The following AGAP1 variants were observed in gnomAD, a reference collection of about 807,000 sequenced individuals.
AGAP1 encodes arf-GAP with GTPase, ANK repeat and PH domain-containing protein 1.
Under a neutral mutation model 105.3 loss-of-function variants are expected in AGAP1, and 29 were observed. The ratio of observed to expected loss-of-function variants is 0.28; its 90% CI spans 0.21 to 0.38. The LOEUF (loss-of-function observed/expected upper bound fraction) is 0.38, where lower values mean the gene tolerates loss of function less well. Ranked by LOEUF, AGAP1 falls within the 10% of genes least tolerant of loss-of-function variation. The probability of loss-of-function intolerance (pLI) is 1.00; values close to 1 mark genes in which losing one functional copy is unlikely to be tolerated. For missense variants in AGAP1, 998 were observed against 1,165.1 expected, an observed-to-expected ratio of 0.86 and a Z score of 2.09; for synonymous variants, 509 against 485.9, an observed-to-expected ratio of 1.05 and a Z score of -0.63.
In AGAP1 at chr2:235,905,779, G is replaced by A. The variant is rs143793575; in HGVS notation, c.1156-2959G>A. Among the ~76,000 whole-genome samples the A allele has an allele frequency of 1.0e-3, 158 of 152,332 alleles. 3 individuals carry two copies. In the East Asian group the frequency reaches 0.023, roughly 22 times the overall value. Reference sequence around the variant, plus strand: ...CTCCCAGAGTGCTGGGATTACAGGCGTGAGCCACCGCGCCCCGCCTGATGT... The same window carrying A: ...CTCCCAGAGTGCTGGGATTACAGGCATGAGCCACCGCGCCCCGCCTGATGT... On this transcript the variant is annotated intron_variant, in intron 10 of 17. Coordinates refer to ENST00000304032, the MANE Select transcript of AGAP1 (RefSeq NM_001037131.3). The surrounding 1 kb of genome is among the most constrained non-coding windows in gnomAD (Gnocchi z 4.2).
chr2:235,744,374 G>C lies in AGAP1; in HGVS notation c.397-324G>C, dbSNP rs763265369. Among the ~76,000 whole-genome samples, 1 of 152,164 alleles carries C rather than the reference G, an allele frequency of 6.6e-6. No homozygotes were observed. The highest frequency in any genetic ancestry group is 2.1e-4 in the South Asian group (1 of 4,830). On this transcript the variant is annotated intron_variant, in intron 4 of 17. Transcript: ENST00000304032. The surrounding 1 kb of genome is among the most constrained non-coding windows in gnomAD (Gnocchi z 5.2). ...GGCCTTCTGTCTGCGGGGCCGCCTT[G>C]GCAGGTCGGGGCAGCGGGCGGACAG...
chr2:236,040,977 T>C lies in AGAP1; in HGVS notation c.1891+136T>C. ...GTTAACTGCTTTTAGGAAATTGAGA[T>C]ATTTTGTTTGGATTTTACCTTAACA... is the stretch of plus-strand genomic sequence containing the variant. On this transcript the variant is annotated intron_variant, in intron 15 of 17. Transcript: ENST00000304032. This position sits in a 1 kb window ranked among gnomAD's most constrained non-coding sequence, Gnocchi z 5.6. The C allele has an allele frequency of 3.3e-4, 238 of 724,078 alleles. No individual in the cohort carries two copies. The highest frequency in any genetic ancestry group is 5.1e-4 in the Non-Finnish European group (223 of 433,996). 44.9% of individuals were successfully genotyped at this position (724,078 alleles called of 1,614,324 possible).
At chr2:235,995,065 C>CAAAAAAAAAA (rs58097220) in intron 13 of AGAP1, among the ~76,000 whole-genome samples, 1 of 60,944 alleles carries the variant, frequency 1.6e-5, no homozygotes, top group Non-Finnish European at 2.8e-5. Flanking sequence ...GACTCTGTCT[C>CAAAAAAAAAA]AAAAAAAAAA....
chr2:235,766,017 G>A (rs1279880287), intron 6 of AGAP1, among the ~76,000 whole-genome samples: 2 of 152,170 alleles, frequency 1.3e-5, no homozygotes, highest in Non-Finnish European at 2.9e-5. Context: ...TTAGTAGCAA[G>A]GCAGGTGCTA....
At chr2:235,859,719 A>G (rs533529430) in intron 9 of AGAP1, among the ~76,000 whole-genome samples, 31 of 152,304 alleles carry the variant, frequency 2.0e-4, no homozygotes, top group African/African-American at 7.2e-4. Context: ...CCTTTGAAGG[A>G]AAAAATCGAG....
In AGAP1 at chr2:235,721,827, C is replaced by G. The variant is rs949663193; in HGVS notation, c.310+4183C>G. ...GAGCTCTCTTGTGGTAGAAACATTT[C>G]TGGTGCAGAGCCGTCTCCAGATCCA... On this transcript the variant is annotated intron_variant, in intron 3 of 17. Transcript: ENST00000304032. This position sits in a 1 kb window ranked among gnomAD's most constrained non-coding sequence, Gnocchi z 4.5. Among the ~76,000 whole-genome samples, 1 of 152,170 alleles carries G rather than the reference C, an allele frequency of 6.6e-6. No homozygotes were observed. The highest frequency in any genetic ancestry group is 1.9e-4 in the East Asian group (1 of 5,182).
At position 235,551,391 on chromosome 2, in the gene AGAP1, A is replaced by G. The variant is rs1351387831; in HGVS notation, c.163+56542A>G. Among the ~76,000 whole-genome samples the G allele has an allele frequency of 6.6e-6, 1 of 151,418 alleles. No homozygotes were observed. Among genetic ancestry groups the G allele is most frequent in the Non-Finnish European group, 1.5e-5 (1 of 67,840 alleles). ...TTGATCATAGCTCACTGCAGCCTCA[A>G]CCTCCCCAGGCTCAGGTCGTCCTCC... On this transcript the variant is annotated intron_variant, in intron 1 of 17. Transcript: ENST00000304032. The surrounding 1 kb of genome is among the most constrained non-coding windows in gnomAD (Gnocchi z 4.8).
chr2:235,845,283 T>C lies in AGAP1; in HGVS notation c.1050+37952T>C, dbSNP rs1961339575. On this transcript the variant is annotated intron_variant, in intron 9 of 17. Transcript: ENST00000304032. The surrounding 1 kb of genome is among the most constrained non-coding windows in gnomAD (Gnocchi z 4.8). ...GACCCCTGCACAGGAGTCTAGAGGC[T>C]GAGTCTGTAACTAATCCAGCTCAGA... 6.6e-6 allele frequency among the ~76,000 whole-genome samples: 1 copy of C among 152,268 alleles called. No homozygotes were observed. Among genetic ancestry groups the C allele is most frequent in the East Asian group, 1.9e-4 (1 of 5,174 alleles).
chr2:235,594,854 G>A (rs533460464), intron 1 of AGAP1, among the ~76,000 whole-genome samples: 2 of 148,776 alleles, frequency 1.3e-5, no homozygotes, highest in Non-Finnish European at 3.0e-5. Context: ...GATTACAGGC[G>A]TGAGCCACTG....
intron 16 of AGAP1, among the ~76,000 whole-genome samples, chr2:236,075,304 A>C (rs977807421): frequency 1.3e-5 from 2 of 152,138 alleles, no homozygotes; most frequent in Non-Finnish European, 2.9e-5. Flanking sequence ...GGTAGATTTT[A>C]TGATATGTAA....
At chr2:235,516,146 G>A (rs1447806912) in intron 1 of AGAP1, among the ~76,000 whole-genome samples, 2 of 151,702 alleles carry the variant, frequency 1.3e-5, no homozygotes, top group Admixed American at 6.6e-5. Context: ...TCTGCTCCCC[G>A]ACTTCATGGT....
At chr2:236,006,496 G>T (rs2056327717) in intron 13 of AGAP1, among the ~76,000 whole-genome samples, 1 of 152,140 alleles carries the variant, frequency 6.6e-6, no homozygotes. Flanking sequence ...ATTTCTATAT[G>T]TAACCATCTG....
chr2:235,989,647 G>A lies in AGAP1; in HGVS notation c.1645+21024G>A, dbSNP rs548167981. On this transcript the variant is annotated intron_variant, in intron 13 of 17. Transcript: ENST00000304032. The surrounding 1 kb of genome is among the most constrained non-coding windows in gnomAD (Gnocchi z 4.4). ...AAACTAGAGGGGATTAGGAGAGTTC[G>A]GGCTGCACCAGCTCCTGGGTGTTGG... Among the ~76,000 whole-genome samples the A allele has an allele frequency of 6.4e-4, 97 of 152,284 alleles. No homozygotes were observed. The highest frequency in any genetic ancestry group is 2.2e-3 in the African/African-American group (91 of 41,556).
Position 235,910,151 on chromosome 2 carries a change from T to A in AGAP1, c.1324+1245T>A, listed in dbSNP as rs933358030. Among the ~76,000 whole-genome samples, 3 of 122,440 alleles carry A rather than the reference T, an allele frequency of 2.5e-5. No individual in the cohort carries two copies. The East Asian group carries it at 8.0e-4, about 33-fold the overall frequency. The allele number at this position is 122,440 out of a possible 152,430, so 80.3% of individuals were successfully genotyped here. A position where few individuals can be genotyped will look rare whatever the true frequency, so the allele number is the denominator to read the frequency against. On this transcript the variant is annotated intron_variant, in intron 11 of 17. Coordinates refer to ENST00000304032, the MANE Select transcript of AGAP1 (RefSeq NM_001037131.3). ...GGTTCTGAGGCATGAACGACACTGG[T>A]AGGTGAGAGCAAGATGGTACAGAGG...
At chr2:235,765,605 C>T (rs1954887638) in intron 6 of AGAP1, among the ~76,000 whole-genome samples, 2 of 152,138 alleles carry the variant, frequency 1.3e-5, no homozygotes, top group Admixed American at 1.3e-4. Flanking sequence ...GCTGAGCAAT[C>T]GCTTCCCCGC....
rs2059844193 is a variant in AGAP1 at position 236,119,223 on chromosome 2, C to G, written c.2115-969C>G. Among the ~76,000 whole-genome samples, 2 of 152,130 alleles carry G rather than the reference C, an allele frequency of 1.3e-5. No homozygotes were observed. Among genetic ancestry groups the G allele is most frequent in the Non-Finnish European group, 2.9e-5 (2 of 68,020 alleles). On this transcript the variant is annotated intron_variant, in intron 16 of 17. Transcript: ENST00000304032. This position sits in a 1 kb window ranked among gnomAD's most constrained non-coding sequence, Gnocchi z 6.6. ...CCACACCTCCGACCCCATCCACCCC[C>G]TCCCCAGCTTTGTCCTCTCCTCTGC...
intron 12 of AGAP1, among the ~76,000 whole-genome samples, chr2:235,933,352 A>T (rs899971434): frequency 6.6e-6 from 1 of 152,130 alleles, no homozygotes; most frequent in Non-Finnish European, 1.5e-5. Context: ...GGGTGCAGAA[A>T]AATGAGGAGA....
chr2:235,943,441 T>C (rs1368233391), intron 12 of AGAP1, among the ~76,000 whole-genome samples: 1 of 149,086 alleles, frequency 6.7e-6, no homozygotes, highest in Non-Finnish European at 1.5e-5. Flanking sequence ...TGGCTCACTC[T>C]GAGGTTCAAG....
chr2:235,674,777 C>G (rs927777383), intron 1 of AGAP1, among the ~76,000 whole-genome samples: 4 of 151,426 alleles, frequency 2.6e-5, no homozygotes, highest in African/African-American at 9.7e-5. Context: ...CAACCTCCCC[C>G]TCCCAGGTTC....
Sources: allele counts gnomAD v4.1 joint callset (sites outside exome capture counted in the v4.1 genomes callset), GRCh38; gene constraint gnomAD v4.1.1; non-coding constraint Gnocchi (gnomAD v3.1); transcripts MANE v1.5; gene names NCBI Gene and HGNC (gene_info 2026-07-23, HGNC 2026-07-21).